The following RTTN variants were observed in gnomAD, a reference collection of about 807,000 sequenced individuals.
The protein encoded by RTTN is rotatin.
In RTTN, 182 loss-of-function variants were observed where a neutral mutation model predicts 269.2. That is an observed-to-expected ratio of 0.68 (90% CI 0.60 to 0.76). The LOEUF (loss-of-function observed/expected upper bound fraction) is 0.76, where lower values mean the gene tolerates loss of function less well. Among genes scored for constraint, RTTN ranks in the 30% least tolerant of loss-of-function variants. The pLI, the probability that RTTN is intolerant of heterozygous loss-of-function variation, is 0.00. For synonymous variants in RTTN, 1,006 were observed against 963.5 expected (o/e 1.04, Z -0.82); for missense variants, 2,545 against 2,608.6 (o/e 0.98, Z 0.53).
At chr18:70,075,315 T>C in intron 33 of RTTN, 37 bp downstream of exon 33, 1 of 1,382,980 alleles carries the variant, frequency 7.2e-7, no homozygotes, top group South Asian at 1.4e-5. Flanking sequence ...ACAAGTTACA[T>C]ATTACAAAAA....
At chr18:70,067,016 T>TA (rs1374701504) in intron 34 of RTTN, among the ~76,000 whole-genome samples, 1 of 152,090 alleles carries the variant, frequency 6.6e-6, no homozygotes, top group Non-Finnish European at 1.5e-5. Flanking sequence ...AAGCTGCAGC[T>TA]AAAAAATGTA....
intron 28 of RTTN, among the ~76,000 whole-genome samples, chr18:70,106,253 G>A (rs895319100): frequency 2.0e-5 from 3 of 152,192 alleles, no homozygotes; most frequent in Admixed American, 2.0e-4. Context: ...GCTGAGGTGG[G>A]AAGATCACTT....
chr18:70,204,193 A>T lies in RTTN; in HGVS notation c.290T>A (p.Val97Glu). 1.2e-6 allele frequency: 2 copies of T among 1,614,186 alleles called. No homozygotes were observed. Among genetic ancestry groups the T allele is most frequent in the Non-Finnish European group, 1.7e-6 (2 of 1,180,016 alleles). Residue 97 changes from valine to glutamate, a missense_variant, in exon 3 of 49, where the codon GTG becomes GAG. Val to Glu is a moderately radical substitution (Grantham distance 121). Transcript: ENST00000640769. ...VEFLSKLRSN[V>E]EPNLQAEIDG... Reference sequence around the variant, plus strand: ...AATTTCAGCCTGCAGATTTGGCTCCACATTAGACCGAAGCTTAGATAAGAA... The same window carrying T: ...AATTTCAGCCTGCAGATTTGGCTCCTCATTAGACCGAAGCTTAGATAAGAA...
intron 46 of RTTN, among the ~76,000 whole-genome samples, chr18:70,009,894 C>G (rs1392620771): frequency 1.3e-5 from 2 of 151,342 alleles, no homozygotes; most frequent in Admixed American, 1.3e-4. Flanking sequence ...ATTTACTAAG[C>G]AAATGGCAAG....
Position 70,155,875 on chromosome 18 carries a change from G to A in RTTN, c.1930-5142C>T, listed in dbSNP as rs143754730. Among the ~76,000 whole-genome samples, 760 of 152,180 alleles carry A rather than the reference G, an allele frequency of 5.0e-3. 5 individuals are homozygous for A. The highest frequency in any genetic ancestry group is 0.017 in the African/African-American group (720 of 41,528). On this transcript the variant is annotated intron_variant, in intron 14 of 48. Coordinates refer to ENST00000640769, the MANE Select transcript of RTTN (RefSeq NM_173630.4). ...ACTGCAATCTCTAAACATAAATTGTGAAGATTTCATGGACACTTATCACTT... is the reference window on the plus strand; with the variant it reads ...ACTGCAATCTCTAAACATAAATTGTAAAGATTTCATGGACACTTATCACTT...
intron 40 of RTTN, among the ~76,000 whole-genome samples, chr18:70,046,637 A>G (rs2057498658): frequency 6.6e-6 from 1 of 152,164 alleles, no homozygotes; most frequent in African/African-American, 2.4e-5. Flanking sequence ...TTTTGTTTTC[A>G]ACTAAGAAAA....
At chr18:70,036,526 G>A (rs2057176750) in intron 40 of RTTN, among the ~76,000 whole-genome samples, 1 of 152,132 alleles carries the variant, frequency 6.6e-6, no homozygotes, top group Non-Finnish European at 1.5e-5. Context: ...GGGAACAATA[G>A]ACAATGGGGC....
chr18:70,105,595 T>C (rs996791318), intron 28 of RTTN, among the ~76,000 whole-genome samples: 1 of 152,206 alleles, frequency 6.6e-6, no homozygotes. Flanking sequence ...AGCTGTAGAC[T>C]AGAGCTGTTC....
Position 70,128,552 on chromosome 18 carries a change from G to A in RTTN, c.2955-6C>T, listed in dbSNP as rs751225285. 1 of 1,608,630 alleles carries A rather than the reference G, an allele frequency of 6.2e-7. No homozygotes were observed. Among genetic ancestry groups the A allele is most frequent in the South Asian group, 1.1e-5 (1 of 90,674 alleles). On this transcript the variant is annotated splice_region_variant and splice_polypyrimidine_tract_variant and intron_variant, in intron 23 of 48. Coordinates refer to ENST00000640769, the MANE Select transcript of RTTN (RefSeq NM_173630.4). ...CATGAACAGGTAGATGGTACCTAAA[G>A]AAAATGTGTACAAATAATTACAAAC...
chr18:70,186,080 C>CA (rs59754982), intron 10 of RTTN, among the ~76,000 whole-genome samples: 9,410 of 112,360 alleles, frequency 0.084, 978 homozygotes, highest in African/African-American at 0.26. Context: ...CTCTCCCCCC[C>CA]AAAAAAAAAA....
intron 25 of RTTN, among the ~76,000 whole-genome samples, chr18:70,125,028 A>G (rs1314158455): frequency 6.6e-6 from 1 of 152,078 alleles, no homozygotes; most frequent in Non-Finnish European, 1.5e-5. Flanking sequence ...TAAGTTTCCA[A>G]AATGATATTA....
intron 44 of RTTN, among the ~76,000 whole-genome samples, chr18:70,023,123 G>C (rs781754937): frequency 6.6e-6 from 1 of 151,996 alleles, no homozygotes; most frequent in African/African-American, 2.4e-5. Context: ...CACTCATTCT[G>C]GGTCGTTTGA....
chr18:70,175,045 C>CAAAAAAAAAAAAAAAA (rs5825998), intron 11 of RTTN, among the ~76,000 whole-genome samples: 6 of 86,824 alleles, frequency 6.9e-5, no homozygotes, highest in Admixed American at 1.5e-4. Context: ...AAACCAAAAC[C>CAAAAAAAAAAAAAAAA]AAAAAAAAAA....
chr18:70,199,649 G>C (rs2061900748), intron 4 of RTTN, 145 bp from the exon 5 acceptor site: 1 of 553,780 alleles, frequency 1.8e-6, no homozygotes, highest in Non-Finnish European at 3.2e-6. Context: ...AACAAGGTCA[G>C]CTGCAAATTT....
chr18:70,199,837 T>C (rs1293310863), intron 4 of RTTN, among the ~76,000 whole-genome samples: 1 of 152,196 alleles, frequency 6.6e-6, no homozygotes, highest in Non-Finnish European at 1.5e-5. Flanking sequence ...AAACTTAAAT[T>C]CAACATAAAA....
chr18:70,151,406 G>A (rs982264963), intron 14 of RTTN, among the ~76,000 whole-genome samples: 1 of 150,930 alleles, frequency 6.6e-6, no homozygotes, highest in African/African-American at 2.4e-5. Context: ...AAGGTGAGAG[G>A]GGAAAAAAAG....
At chr18:70,030,476 G>A (rs1178033229) in intron 41 of RTTN, among the ~76,000 whole-genome samples, 2 of 152,148 alleles carry the variant, frequency 1.3e-5, no homozygotes, top group African/African-American at 2.4e-5. Flanking sequence ...CACTCAAGAG[G>A]GAAATTTATA....
At chr18:70,067,131 G>A (rs1568325079) in intron 34 of RTTN, among the ~76,000 whole-genome samples, 1 of 150,604 alleles carries the variant, frequency 6.6e-6, no homozygotes, top group Non-Finnish European at 1.5e-5. Context: ...ATTAGATCCA[G>A]ATACTAAGTA....
intron 6 of RTTN, among the ~76,000 whole-genome samples, chr18:70,197,000 C>T (rs1342157534): frequency 1.3e-5 from 2 of 152,194 alleles, no homozygotes; most frequent in Non-Finnish European, 2.9e-5. Flanking sequence ...TCATCTCAAG[C>T]ATCTAAACCA....
Sources: gnomAD v4.1 joint callset for allele counts (sites outside exome capture counted in the v4.1 genomes callset) on GRCh38, gnomAD v4.1.1 for gene constraint, MANE v1.5 for transcripts, NCBI Gene and HGNC (gene_info 2026-07-23, HGNC 2026-07-21) for gene names.